NBN: variants seen among roughly 807,000 people sequenced by gnomAD.
NBN encodes the protein Nijmegen breakage syndrome 1 (nibrin).
A neutral mutation model predicts 90.8 loss-of-function variants in NBN; 88 were observed. The ratio of observed to expected loss-of-function variants is 0.97; its 90% confidence interval spans 0.82 to 1.16. The LOEUF (loss-of-function observed/expected upper bound fraction) is 1.16. Ranked by LOEUF, NBN falls within the 50% of genes most tolerant of loss-of-function variation. The pLI, the probability that NBN is intolerant of heterozygous loss-of-function variation, is 0.00. For synonymous variants in NBN, 328 were observed against 295.1 expected (o/e 1.11, Z -1.14); for missense variants, 894 against 869.6 (o/e 1.03, Z -0.35).
chr8:89,977,169 G>T (rs778471238), intron 5 of NBN, among the ~76,000 whole-genome samples: 2 of 152,024 alleles, frequency 1.3e-5, no homozygotes, highest in African/African-American at 2.4e-5. Context: ...TGTCATCCAG[G>T]TTTTAAGACC....
intron 14 of NBN, among the ~76,000 whole-genome samples, chr8:89,939,244 T>C (rs1252391301): frequency 1.7e-5 from 2 of 116,950 alleles, no homozygotes; most frequent in African/African-American, 1.0e-4. Context: ...AGAAAAAGAA[T>C]AGCTGCAGCA....
At chr8:89,972,108 C>T (rs976925455) in intron 5 of NBN, among the ~76,000 whole-genome samples, 1 of 152,122 alleles carries the variant, frequency 6.6e-6, no homozygotes, top group Non-Finnish European at 1.5e-5. Context: ...AGTCACAAAT[C>T]AAGAGTTAAC....
Position 89,982,784 on chromosome 8 carries a change from T to C in NBN, c.109A>G (p.Asn37Asp), listed in dbSNP as rs876658411. 2 of 1,613,980 alleles carry C rather than the reference T, an allele frequency of 1.2e-6. No homozygotes were observed. Among genetic ancestry groups the C allele is most frequent in the African/African-American group, 2.7e-5 (2 of 75,038 alleles). The change falls in exon 2 of 16, where the codon AAT becomes GAT. Residue 37 changes from asparagine to aspartate, a missense_variant. Coordinates refer to ENST00000265433, the MANE Select transcript of NBN (RefSeq NM_002485.5). ...TGATTTCGGCTGATCGACTGATCAT[T>C]TTCAATCAGAATGGCACAGTTTTTC... ...GRKNCAILIENDQSISRNHAV... is the reference protein window; with the variant it reads ...GRKNCAILIEDDQSISRNHAV...
At chr8:89,981,190 CCACT>C (rs1463454161) in intron 3 of NBN, among the ~76,000 whole-genome samples, 181 bp downstream of exon 3, 3 of 152,116 alleles carry the variant, frequency 2.0e-5, no homozygotes, top group Non-Finnish European at 2.9e-5. Context: ...CCCTCAGGGC[CCACT>C]CAAACTCTCA....
Position 89,978,378 on chromosome 8 carries a change from GA to G in NBN, c.481-56del, listed in dbSNP as rs13312873. 3.9e-5 allele frequency: 58 copies of G among 1,478,170 alleles called. 1 individual carries two copies. The East Asian group carries it at 5.9e-4, about 15-fold the overall frequency. The allele number at this position is 1,478,170 out of a possible 1,614,324, so 91.6% of individuals were successfully genotyped here. A position where few individuals can be genotyped will look rare whatever the true frequency, so the allele number is the denominator to read the frequency against. On this transcript the variant is annotated intron_variant, in intron 4 of 15. Transcript: ENST00000265433. ...TATTCACATGCTAGCATTTTTTAAAGAAAAGTTTTAAGTTATAAACTACAAA... is the reference window on the plus strand; with the variant it reads ...TATTCACATGCTAGCATTTTTTAAAGAAAGTTTTAAGTTATAAACTACAAA...
intron 11 of NBN, among the ~76,000 whole-genome samples, 197 bp from the exon 12 acceptor site, chr8:89,948,089 TG>T (rs1358660293): frequency 3.3e-5 from 5 of 152,110 alleles, no homozygotes; most frequent in African/African-American, 1.2e-4. Flanking sequence ...AAATATATAT[TG>T]AAAGAGATAC....
intron 11 of NBN, among the ~76,000 whole-genome samples, chr8:89,949,562 C>T (rs1271356980): frequency 6.6e-6 from 1 of 152,092 alleles, no homozygotes; most frequent in African/African-American, 2.4e-5. Flanking sequence ...GGCCAAGACT[C>T]AGGCACAGCT....
At position 89,946,625 on chromosome 8, in the gene NBN, T is replaced by C. The variant is rs987494248; in HGVS notation, c.1915-330A>G. Reference sequence around the variant, plus strand: ...AATTTACCTCCAGATATATATCTTATTGACACAAAATCTCAGCACTGTTTG... The same window carrying C: ...AATTTACCTCCAGATATATATCTTACTGACACAAAATCTCAGCACTGTTTG... On this transcript the variant is annotated intron_variant, in intron 12 of 15. Coordinates refer to ENST00000265433, the MANE Select transcript of NBN (RefSeq NM_002485.5). 12 of 274,342 alleles carry C rather than the reference T, an allele frequency of 4.4e-5. No individual in the cohort carries two copies. The Admixed American group carries it at 4.6e-4, about 10-fold the overall frequency. The allele number at this position is 274,342 out of a possible 1,614,324, so 17.0% of individuals were successfully genotyped here. A position where few individuals can be genotyped will look rare whatever the true frequency, so the allele number is the denominator to read the frequency against.
chr8:89,958,998 A>C, intron 8 of NBN, 144 bp from the exon 9 acceptor site: 1 of 1,071,798 alleles, frequency 9.3e-7, no homozygotes, highest in Non-Finnish European at 1.4e-6. Flanking sequence ...GAGTGGTACC[A>C]ACAAACACAA....
chr8:89,942,532 T>C (rs1369634280), intron 14 of NBN, among the ~76,000 whole-genome samples: 1 of 152,124 alleles, frequency 6.6e-6, no homozygotes, highest in Non-Finnish European at 1.5e-5. Flanking sequence ...AGATCAAACA[T>C]TTTAGGTAAT....
At chr8:89,942,471 C>A (rs554684523) in intron 14 of NBN, among the ~76,000 whole-genome samples, 15 of 152,154 alleles carry the variant, frequency 9.9e-5, no homozygotes, top group African/African-American at 3.6e-4. Context: ...AGCTCATATT[C>A]AAAAATCACA....
intron 11 of NBN, among the ~76,000 whole-genome samples, chr8:89,950,889 G>T (rs3026265): frequency 2.6e-5 from 4 of 151,728 alleles, no homozygotes; most frequent in East Asian, 3.9e-4. Flanking sequence ...AGTGAAAGTA[G>T]GTCTTCAGGA....
chr8:89,937,775 A>T (rs980185839), intron 14 of NBN, among the ~76,000 whole-genome samples: 1 of 152,160 alleles, frequency 6.6e-6, no homozygotes, highest in African/African-American at 2.4e-5. Flanking sequence ...ATCACTTCTC[A>T]GCCTCCTCTT....
At chr8:89,957,519 T>C (rs1232338120) in intron 9 of NBN, among the ~76,000 whole-genome samples, 1 of 152,206 alleles carries the variant, frequency 6.6e-6, no homozygotes, top group Non-Finnish European at 1.5e-5. Flanking sequence ...AGTCTAAATG[T>C]AGTGCTAATA....
In NBN at chr8:89,964,490, A is replaced by G. The variant is rs1586076225; in HGVS notation, c.914T>C (p.Ile305Thr). ...DMLQRQGLRP[I>T]PEAEIGLAVI... is the part of the protein sequence containing the mutation. ...CGCCAATCCAATTTCTGCTTCAGGA[A>G]TAGGTCTAAGACCTTGCCTATTAGA... The change falls in exon 8 of 16, where the codon ATT becomes ACT. Residue 305 changes from isoleucine (I) to threonine (T), a missense_variant. Ile to Thr is a moderately conservative substitution (Grantham distance 89, BLOSUM62 -1). Transcript: ENST00000265433. 3 of 1,603,806 alleles carry G rather than the reference A, an allele frequency of 1.9e-6. No individual in the cohort carries two copies. Among genetic ancestry groups the G allele is most frequent in the Non-Finnish European group, 1.7e-6 (2 of 1,170,766 alleles).
chr8:89,940,351 C>A (rs936467074), intron 14 of NBN, among the ~76,000 whole-genome samples: 3 of 151,980 alleles, frequency 2.0e-5, no homozygotes, highest in Non-Finnish European at 4.4e-5. Context: ...TCTTAACTCC[C>A]GGGTTCAAGT....
At position 89,955,608 on chromosome 8, in the gene NBN, A is replaced by AT. The variant is rs1160590981; in HGVS notation, c.1125-54_1125-53insA. On this transcript the variant is annotated intron_variant, in intron 9 of 15. Transcript: ENST00000265433. ...AAATAATCAAGTTTACAGCAACTTT[A>AT]ATAGAGAAACAAAGATCGTTAAATA... is the stretch of plus-strand genomic sequence containing the variant. 7.7e-6 allele frequency: 12 copies of AT among 1,563,720 alleles called. No homozygotes were observed. The East Asian group carries it at 2.3e-4, about 29-fold the overall frequency.
rs1370995524 is a variant in NBN at position 89,933,805 on chromosome 8, G to A, written c.*1777C>T. The stretch of plus-strand genomic sequence containing the variant: ...ACATAAAGAAAACAGTCAAGCCACA[G>A]ACTAGGTGTAATATCTCAATACATA... On this transcript the variant is annotated 3_prime_UTR_variant, in exon 16 of 16. Transcript: ENST00000265433. 4.3e-6 allele frequency: 1 copy of A among 232,404 alleles called. No homozygotes were observed. The highest frequency in any genetic ancestry group is 8.5e-6 in the Non-Finnish European group (1 of 117,694). 14.4% of individuals were successfully genotyped at this position (232,404 alleles called of 1,614,324 possible).
chr8:89,935,482 C>T lies in NBN; in HGVS notation c.*100G>A, dbSNP rs1310884365. ...AAATTTAGGCCATAAAACATTGTAA[C>T]TTAAATCGCTTCTATACACTATATA... is the stretch of plus-strand genomic sequence containing the variant. On this transcript the variant is annotated 3_prime_UTR_variant, in exon 16 of 16. Coordinates refer to ENST00000265433, the MANE Select transcript of NBN (RefSeq NM_002485.5). The T allele has an allele frequency of 7.1e-7, 1 of 1,409,148 alleles. No homozygotes were observed. Among genetic ancestry groups the T allele is most frequent in the Admixed American group, 1.8e-5 (1 of 55,782 alleles). The allele number at this position is 1,409,148 out of a possible 1,614,324, so 87.3% of individuals were successfully genotyped here. A position where few individuals can be genotyped will look rare whatever the true frequency, so the allele number is the denominator to read the frequency against.
Sources: allele counts gnomAD v4.1 joint callset (sites outside exome capture counted in the v4.1 genomes callset), GRCh38; gene constraint gnomAD v4.1.1; transcripts MANE v1.5; gene names NCBI Gene and HGNC (gene_info 2026-07-23, HGNC 2026-07-21).